TMTC1: variants seen among roughly 807,000 people sequenced by gnomAD.
TMTC1 encodes the protein transmembrane O-mannosyltransferase targeting cadherins 1, also known as protein O-mannosyl-transferase TMTC1.
A neutral mutation model predicts 104.8 loss-of-function variants in TMTC1; 73 were observed. That is an observed-to-expected ratio of 0.70 (90% CI 0.58 to 0.85). TMTC1 has a LOEUF of 0.85. Among genes scored for constraint, TMTC1 ranks in the 40% least tolerant of loss-of-function variants. The probability of loss-of-function intolerance (pLI) is 0.00; values close to 1 mark genes in which losing one functional copy is unlikely to be tolerated. For synonymous variants in TMTC1, 434 were observed against 428.7 expected (o/e 1.01, Z -0.15); for missense variants, 1,035 against 1,096.1 (o/e 0.94, Z 0.79).
At chr12:29,669,126 T>A (rs1034763064) in intron 5 of TMTC1, among the ~76,000 whole-genome samples, 12 of 151,736 alleles carry the variant, frequency 7.9e-5, no homozygotes, top group African/African-American at 2.7e-4. Flanking sequence ...GTGACAAATG[T>A]AGCTGACACC....
At chr12:29,768,538 G>A (rs1164944386) in intron 1 of TMTC1, among the ~76,000 whole-genome samples, 1 of 152,198 alleles carries the variant, frequency 6.6e-6, no homozygotes, top group African/African-American at 2.4e-5. Context: ...GACAAATGAA[G>A]CATGAATGTG....
intron 1 of TMTC1, among the ~76,000 whole-genome samples, chr12:29,774,941 C>A (rs1313199068): frequency 6.6e-6 from 1 of 152,150 alleles, no homozygotes; most frequent in Non-Finnish European, 1.5e-5. Context: ...GGCATCACAT[C>A]CTTATCTGGC....
intron 11 of TMTC1, among the ~76,000 whole-genome samples, chr12:29,531,415 G>A (rs1349480698): frequency 4.6e-5 from 7 of 152,070 alleles, no homozygotes; most frequent in Admixed American, 6.6e-5. Flanking sequence ...AGCACATGAA[G>A]GAAAAATATT....
At chr12:29,745,547 G>A (rs11050421) in intron 5 of TMTC1, among the ~76,000 whole-genome samples, 1 of 141,250 alleles carries the variant, frequency 7.1e-6, no homozygotes, top group Admixed American at 7.6e-5. Flanking sequence ...CTTGAACCCA[G>A]AAGGCAGAGG....
At chr12:29,749,532 T>C (rs2136965757) in intron 5 of TMTC1, among the ~76,000 whole-genome samples, 1 of 152,270 alleles carries the variant, frequency 6.6e-6, no homozygotes, top group South Asian at 2.1e-4. Context: ...TCTCCAGTGA[T>C]CTCTGTACTC....
At chr12:29,681,095 T>C (rs1176820192) in intron 5 of TMTC1, among the ~76,000 whole-genome samples, 1 of 83,746 alleles carries the variant, frequency 1.2e-5, no homozygotes, top group African/African-American at 4.8e-5. Context: ...TAAGACCCTG[T>C]CTCCAAAAAA....
chr12:29,605,033 C>T (rs1946662007), intron 6 of TMTC1, among the ~76,000 whole-genome samples: 1 of 151,880 alleles, frequency 6.6e-6, no homozygotes, highest in Non-Finnish European at 1.5e-5. Flanking sequence ...TAATATGTTG[C>T]AATGACATTG....
chr12:29,608,977 C>T (rs1401444544), intron 6 of TMTC1, among the ~76,000 whole-genome samples: 1 of 152,172 alleles, frequency 6.6e-6, no homozygotes, highest in African/African-American at 2.4e-5. Context: ...CACATGTATG[C>T]ACCTGGCCAG....
intron 5 of TMTC1, among the ~76,000 whole-genome samples, chr12:29,751,281 C>T (rs895414279): frequency 2.0e-5 from 3 of 152,154 alleles, no homozygotes; most frequent in Admixed American, 6.5e-5. Context: ...TGGGTTTCCT[C>T]CCATATTTGG....
At chr12:29,517,680 T>C in intron 13 of TMTC1, 109 bp from the exon 14 acceptor site, 1 of 1,278,750 alleles carries the variant, frequency 7.8e-7, no homozygotes, top group Non-Finnish European at 1.1e-6. Context: ...TCTGCTCCAA[T>C]ACGGTCTTTG....
chr12:29,684,111 T>C (rs148700094), intron 5 of TMTC1, among the ~76,000 whole-genome samples: 20 of 152,352 alleles, frequency 1.3e-4, no homozygotes, highest in Non-Finnish European at 2.6e-4. Flanking sequence ...ACCAAAGTGC[T>C]GCGATTACAG....
At chr12:29,722,767 A>G (rs1315492737) in intron 5 of TMTC1, among the ~76,000 whole-genome samples, 1 of 151,946 alleles carries the variant, frequency 6.6e-6, no homozygotes, top group Non-Finnish European at 1.5e-5. Flanking sequence ...TACAAATACA[A>G]AAAAACAGCA....
At chr12:29,622,021 C>G (rs867182074) in intron 6 of TMTC1, among the ~76,000 whole-genome samples, 3 of 152,134 alleles carry the variant, frequency 2.0e-5, no homozygotes, top group African/African-American at 7.2e-5. Context: ...TAAACTATCA[C>G]CCTACTAAAA....
intron 5 of TMTC1, among the ~76,000 whole-genome samples, chr12:29,677,109 C>T (rs1030468708): frequency 1.1e-4 from 16 of 152,158 alleles, no homozygotes; most frequent in African/African-American, 3.6e-4. Flanking sequence ...TCAGTTCCAC[C>T]TTCAAGAAAA....
chr12:29,698,113 A>G (rs1416868129), intron 5 of TMTC1, among the ~76,000 whole-genome samples: 2 of 152,152 alleles, frequency 1.3e-5, no homozygotes, highest in Non-Finnish European at 2.9e-5. Flanking sequence ...AAGGAAGAAA[A>G]CAATTGCCTT....
Position 29,583,407 on chromosome 12 carries a change from C to G in TMTC1, c.1418G>C (p.Arg473Thr). The change falls in exon 8 of 18, where the codon AGG becomes ACG. Residue 473 changes from arginine to threonine, a missense_variant and splice_region_variant. Transcript: ENST00000539277. ...EIWLSRESLF[R>T]SGVQTLPHNA... The stretch of plus-strand genomic sequence containing the variant: ...TTTATTTTTATCTGTCTAGTCATAC[C>G]TGAATAGGGACTCTCTTGACAGCCA... 3 of 1,613,474 alleles carry G rather than the reference C, an allele frequency of 1.9e-6. No individual in the cohort carries two copies. Among genetic ancestry groups the G allele is most frequent in the Non-Finnish European group, 2.5e-6 (3 of 1,179,684 alleles).
intron 5 of TMTC1, among the ~76,000 whole-genome samples, chr12:29,741,331 C>T (rs1241652548): frequency 6.6e-6 from 1 of 152,196 alleles, no homozygotes; most frequent in Non-Finnish European, 1.5e-5. Flanking sequence ...GGATCAACCT[C>T]TAACTCTCAC....
intron 5 of TMTC1, among the ~76,000 whole-genome samples, chr12:29,673,744 C>CTTTT (rs146463669): frequency 3.1e-5 from 3 of 95,734 alleles, no homozygotes; most frequent in African/African-American, 4.0e-5. Context: ...AGAGGGACTT[C>CTTTT]TTTTTTTTTT....
chr12:29,703,272 T>C (rs893768506), intron 5 of TMTC1, among the ~76,000 whole-genome samples: 3 of 152,192 alleles, frequency 2.0e-5, no homozygotes, highest in African/African-American at 7.2e-5. Context: ...GGGAGGTGCT[T>C]AGAGTAAAAC....
Sources: allele counts gnomAD v4.1 joint callset (sites outside exome capture counted in the v4.1 genomes callset), GRCh38; gene constraint gnomAD v4.1.1; transcripts MANE v1.5; gene names NCBI Gene and HGNC (gene_info 2026-07-23, HGNC 2026-07-21).